Variants in BTC observed in about 807,000 individuals in gnomAD.
The protein encoded by BTC is betacellulin, also known as probetacellulin.
A neutral mutation model predicts 18.1 loss-of-function variants in BTC; 13 were observed. The observed-to-expected ratio is 0.72, with a 90% CI of 0.47 to 1.14. The LOEUF is 1.14. Among genes scored for constraint, BTC ranks in the 50% most tolerant of loss-of-function variants. The pLI is 0.00. For synonymous variants in BTC, 83 were observed against 79.4 expected, an observed-to-expected ratio of 1.05 and a Z score of -0.24; for missense variants, 247 against 224.2, an observed-to-expected ratio of 1.10 and a Z score of -0.65.
chr4:74,792,453 G>C (rs143310786), intron 1 of BTC, among the ~76,000 whole-genome samples: 1 of 152,266 alleles, frequency 6.6e-6, no homozygotes, highest in African/African-American at 2.4e-5. Context: ...ATACCTACGA[G>C]ACAATCAGGT....
intron 1 of BTC, among the ~76,000 whole-genome samples, chr4:74,793,117 A>C (rs1725677959): frequency 6.6e-6 from 1 of 152,226 alleles, no homozygotes; most frequent in African/African-American, 2.4e-5. Context: ...TCTAGGGTTA[A>C]GTCTCAACCC....
intron 1 of BTC, among the ~76,000 whole-genome samples, chr4:74,776,158 C>T (rs184430134): frequency 6.7e-6 from 1 of 149,758 alleles, no homozygotes; most frequent in Non-Finnish European, 1.5e-5. Context: ...ATTGCTATAG[C>T]TCTGTTTTGT....
intron 1 of BTC, among the ~76,000 whole-genome samples, chr4:74,781,292 T>A (rs1252005799): frequency 6.6e-6 from 1 of 152,114 alleles, no homozygotes; most frequent in Non-Finnish European, 1.5e-5. Flanking sequence ...GAAACCTTGG[T>A]TGAAACGACT....
chr4:74,770,143 A>G lies in BTC; in HGVS notation c.78T>C (p.Leu26=), dbSNP rs781429850. The part of the protein sequence containing the change: ...LLALALGLVI[L]HCVVADGNST... ...AATTCCCATCTGCCACCACACAGTG[A>G]AGGATCACTAGACCTTCAAATTCAA... is the stretch of plus-strand genomic sequence containing the variant. The change falls in exon 2 of 6, where the codon CTT becomes CTC. Residue 26 remains leucine, a synonymous_variant. Transcript: ENST00000395743. The G allele has an allele frequency of 6.2e-7, 1 of 1,611,782 alleles. No individual in the cohort carries two copies. The highest frequency in any genetic ancestry group is 8.5e-7 in the Non-Finnish European group (1 of 1,179,060).
intron 1 of BTC, among the ~76,000 whole-genome samples, chr4:74,793,589 C>T (rs536775241): frequency 3.2e-4 from 48 of 152,272 alleles, no homozygotes; most frequent in African/African-American, 1.1e-3. Flanking sequence ...TTTTTTCCTA[C>T]TTAGAAGCCT....
chr4:74,777,868 AATT>A (rs1160099848), intron 1 of BTC, among the ~76,000 whole-genome samples: 2 of 152,162 alleles, frequency 1.3e-5, no homozygotes, highest in African/African-American at 2.4e-5. Context: ...TAAAAAATAA[AATT>A]AAAGTTTTTA....
chr4:74,787,932 A>G (rs899295156), intron 1 of BTC, among the ~76,000 whole-genome samples: 1 of 152,012 alleles, frequency 6.6e-6, no homozygotes, highest in Non-Finnish European at 1.5e-5. Flanking sequence ...CCAGCAAACC[A>G]CTCATCTGGA....
At chr4:74,748,498 T>A (rs1382126488) in intron 4 of BTC, among the ~76,000 whole-genome samples, 1 of 151,672 alleles carries the variant, frequency 6.6e-6, no homozygotes, top group African/African-American at 2.4e-5. Flanking sequence ...ATTGCGCCAC[T>A]GCACTCCAGC....
At chr4:74,770,827 C>A in intron 1 of BTC, among the ~76,000 whole-genome samples, 1 of 151,386 alleles carries the variant, frequency 6.6e-6, no homozygotes, top group Non-Finnish European at 1.5e-5. Flanking sequence ...TGACTGGACA[C>A]TAGATAATAT....
At chr4:74,765,468 TGAA>T (rs1477759237) in intron 2 of BTC, among the ~76,000 whole-genome samples, 2 of 151,866 alleles carry the variant, frequency 1.3e-5, no homozygotes, top group East Asian at 3.9e-4. Flanking sequence ...TTTTAGCAAG[TGAA>T]AAAGCTTAAA....
intron 2 of BTC, among the ~76,000 whole-genome samples, chr4:74,765,215 A>T (rs982037620): frequency 6.6e-6 from 1 of 151,988 alleles, no homozygotes; most frequent in Non-Finnish European, 1.5e-5. Flanking sequence ...TAAAATTATC[A>T]TAAAGATGCT....
intron 1 of BTC, among the ~76,000 whole-genome samples, chr4:74,776,881 A>T (rs1725189082): frequency 6.6e-6 from 1 of 152,222 alleles, no homozygotes. Flanking sequence ...CTTCCTAGAT[A>T]CACTCCAAAC....
At chr4:74,763,957 C>T (rs1266296597) in intron 2 of BTC, among the ~76,000 whole-genome samples, 6 of 151,062 alleles carry the variant, frequency 4.0e-5, no homozygotes, top group African/African-American at 1.5e-4. Context: ...CAAAACAGCC[C>T]ACTGTATCCT....
intron 1 of BTC, among the ~76,000 whole-genome samples, chr4:74,776,269 T>C (rs1052770717): frequency 3.3e-5 from 5 of 152,208 alleles, no homozygotes; most frequent in Admixed American, 6.5e-5. Flanking sequence ...TCACAATCTG[T>C]TGTCTGATCC....
intron 2 of BTC, among the ~76,000 whole-genome samples, chr4:74,769,724 G>A (rs2109899541): frequency 6.6e-6 from 1 of 152,264 alleles, no homozygotes; most frequent in East Asian, 1.9e-4. Context: ...TCACATGCTA[G>A]AGTCTGGAGC....
chr4:74,771,867 G>A (rs1725051731), intron 1 of BTC, among the ~76,000 whole-genome samples: 1 of 152,112 alleles, frequency 6.6e-6, no homozygotes, highest in Non-Finnish European at 1.5e-5. Flanking sequence ...AAGAGATTTA[G>A]CTGCAAAATG....
intron 1 of BTC, among the ~76,000 whole-genome samples, chr4:74,774,977 T>C (rs1043880807): frequency 6.6e-6 from 1 of 152,070 alleles, no homozygotes; most frequent in Non-Finnish European, 1.5e-5. Flanking sequence ...ACCTGGTGAC[T>C]GGAAGTGAAA....
chr4:74,789,436 T>C (rs1441952579), intron 1 of BTC, among the ~76,000 whole-genome samples: 1 of 152,338 alleles, frequency 6.6e-6, no homozygotes, highest in Non-Finnish European at 1.5e-5. Context: ...CATTGAATAT[T>C]ACCTGCCAAT....
chr4:74,753,220 G>C (rs1014639584), intron 3 of BTC, among the ~76,000 whole-genome samples: 1 of 152,096 alleles, frequency 6.6e-6, no homozygotes, highest in Non-Finnish European at 1.5e-5. Context: ...TGATCCTTAA[G>C]GGCAATGCAA....
Sources: allele counts gnomAD v4.1 joint callset (sites outside exome capture counted in the v4.1 genomes callset), GRCh38; gene constraint gnomAD v4.1.1; transcripts MANE v1.5; gene names NCBI Gene and HGNC (gene_info 2026-07-23, HGNC 2026-07-21).